Variants in MMP10 observed in about 807,000 individuals in gnomAD.
MMP10 encodes matrix metallopeptidase 10.
In MMP10, 50 loss-of-function variants were observed where a neutral mutation model predicts 49.1. The observed-to-expected ratio is 1.02, with a 90% CI of 0.81 to 1.29. The LOEUF (loss-of-function observed/expected upper bound fraction) is 1.29, where lower values mean the gene tolerates loss of function less well. Ranked by LOEUF, MMP10 falls within the 50% of genes most tolerant of loss-of-function variation. The pLI, the probability that MMP10 is intolerant of heterozygous loss-of-function variation, is 0.00. For synonymous variants in MMP10, 229 were observed against 201.6 expected (o/e 1.14, Z -1.15); for missense variants, 613 against 563.8 (o/e 1.09, Z -0.88).
chr11:102,776,718 G>A lies in MMP10; in HGVS notation c.681C>T (p.His227=), dbSNP rs781331161. 86 of 1,614,068 alleles carry A rather than the reference G, an allele frequency of 5.3e-5. No individual in the cohort carries two copies. The South Asian group carries it at 9.3e-4, about 18-fold the overall frequency. The stretch of plus-strand genomic sequence containing the variant: ...ACATCAAAGCTTCAGTGTTGGCTGA[G>A]TGAAAGAGCCCCAGGGAGTGGCCAA... ...HELGHSLGLF[H]SANTEALMYP... Residue 227 remains histidine, a synonymous_variant, in exon 5 of 10, where the codon CAC becomes CAT. Coordinates refer to ENST00000279441, the MANE Select transcript of MMP10 (RefSeq NM_002425.3).
intron 1 of MMP10, 131 bp downstream of exon 1, chr11:102,780,356 G>A: frequency 1.4e-6 from 1 of 714,122 alleles, no homozygotes; most frequent in Non-Finnish European, 2.4e-6. Flanking sequence ...CCTCCAGCCT[G>A]TTAATTATTC....
intron 4 of MMP10, 126 bp from the exon 5 acceptor site, chr11:102,776,902 G>T: frequency 9.0e-7 from 1 of 1,115,100 alleles, no homozygotes; most frequent in Non-Finnish European, 1.3e-6. Context: ...TTGTGGATTG[G>T]TTCATTGATT....
At position 102,775,301 on chromosome 11, in the gene MMP10, T is replaced by C; in HGVS notation, c.953A>G (p.His318Arg). 3.1e-6 allele frequency: 5 copies of C among 1,609,278 alleles called. No homozygotes were observed. The highest frequency in any genetic ancestry group is 4.2e-6 in the Non-Finnish European group (5 of 1,177,744). Residue 318 changes from histidine (H) to arginine (R), a missense_variant, in exon 7 of 10, where the codon CAC (histidine) becomes CGC (arginine). Transcript: ENST00000279441. ...FKDRYFWRRS[H>R]WNPEPEFHLI... ...ATGAAATTCAGGTTCAGGGTTCCAG[T>C]GGGATCTTCGCCAAAAATATCTGTA...
chr11:102,773,858 T>G (rs1404844764), intron 7 of MMP10, among the ~76,000 whole-genome samples: 1 of 152,208 alleles, frequency 6.6e-6, no homozygotes, highest in Non-Finnish European at 1.5e-5. Context: ...TGCCAAAGGC[T>G]TCATCTCTGC....
intron 7 of MMP10, among the ~76,000 whole-genome samples, chr11:102,773,861 A>G (rs560503846): frequency 7.2e-4 from 110 of 152,304 alleles, no homozygotes; most frequent in African/African-American, 2.4e-3. Flanking sequence ...CAAAGGCTTC[A>G]TCTCTGCTGC....
chr11:102,776,622 C>A lies in MMP10; in HGVS notation c.777G>T (p.Gln259His), dbSNP rs780242353. The part of the protein sequence containing the change: ...RLSQDDVNGI[Q>H]SLYGPPPAST... ...TCCAGCATCACTCACCGTAGAGAGA[C>A]TGAATGCCATTCACATCATCTTGCG... The change falls in exon 5 of 10, where the codon CAG becomes CAT. Residue 259 changes from glutamine to histidine, a missense_variant. Coordinates refer to ENST00000279441, the MANE Select transcript of MMP10 (RefSeq NM_002425.3). 1.9e-6 allele frequency: 3 copies of A among 1,612,966 alleles called. No individual in the cohort carries two copies. Among genetic ancestry groups the A allele is most frequent in the African/African-American group, 2.7e-5 (2 of 74,816 alleles).
chr11:102,774,741 G>A (rs1243277936), intron 7 of MMP10, among the ~76,000 whole-genome samples: 1 of 152,102 alleles, frequency 6.6e-6, no homozygotes, highest in Non-Finnish European at 1.5e-5. Context: ...ATCTCCATTA[G>A]TTAATTTATC....
chr11:102,771,937 G>A (rs937728810), intron 9 of MMP10, 75 bp downstream of exon 9: 10 of 934,230 alleles, frequency 1.1e-5, no homozygotes, highest in Non-Finnish European at 1.7e-5. Context: ...AAACTGTTTT[G>A]ATTCTGCACT....
rs1369420863 is a variant in MMP10 at position 102,772,908 on chromosome 11, C to T, written c.1165G>A (p.Ala389Thr). 6.2e-7 allele frequency: 1 copy of T among 1,613,788 alleles called. No homozygotes were observed. The highest frequency in any genetic ancestry group is 1.7e-5 in the Admixed American group (1 of 60,008). ...GFPPTIRKID[A>T]AVSDKEKKKT... ...TTCTTTTCCTTGTCAGAAACAGCTGCATCAATTTTCCTTATGGTTGGAGGA... is the reference window on the plus strand; with the variant it reads ...TTCTTTTCCTTGTCAGAAACAGCTGTATCAATTTTCCTTATGGTTGGAGGA... Residue 389 changes from alanine to threonine, a missense_variant, in exon 8 of 10, where the codon GCA (alanine) becomes ACA (threonine). Transcript: ENST00000279441. The surrounding 1 kb of genome is among the most constrained non-coding windows in gnomAD (Gnocchi z 4.4).
chr11:102,777,547 T>A (rs1183577566), intron 4 of MMP10, among the ~76,000 whole-genome samples: 2 of 152,144 alleles, frequency 1.3e-5, no homozygotes. Flanking sequence ...TAGCCACTGG[T>A]GCCTGGCCAT....
Position 102,772,832 on chromosome 11 carries a change from T to G in MMP10, c.1226+15A>C, listed in dbSNP as rs1861987608. The G allele has an allele frequency of 6.2e-7, 1 of 1,600,630 alleles. No individual in the cohort carries two copies. Among genetic ancestry groups the G allele is most frequent in the South Asian group, 1.1e-5 (1 of 88,026 alleles). On this transcript the variant is annotated intron_variant, in intron 8 of 9. Transcript: ENST00000279441. This position sits in a 1 kb window ranked among gnomAD's most constrained non-coding sequence, Gnocchi z 4.4. ...TAATCAGGCTTCATAGAAAGTCATT[T>G]CTCTTGCATCTCACCTCCAGTATTT...
At position 102,780,462 on chromosome 11, in the gene MMP10, T is replaced by A. The variant is rs747751956; in HGVS notation, c.105+25A>T. 1.9e-6 allele frequency: 3 copies of A among 1,601,404 alleles called. No homozygotes were observed. In the South Asian group the frequency reaches 3.3e-5, roughly 18 times the overall value. On this transcript the variant is annotated intron_variant, in intron 1 of 9. Transcript: ENST00000279441. Reference sequence around the variant, plus strand: ...AGACACAATTGAGCTGGCCAGTAGCTGCAATAGATGCCACCGTTAATTACC... The same window carrying A: ...AGACACAATTGAGCTGGCCAGTAGCAGCAATAGATGCCACCGTTAATTACC...
intron 9 of MMP10, among the ~76,000 whole-genome samples, chr11:102,771,323 A>C (rs1252237812): frequency 1.3e-5 from 2 of 152,172 alleles, no homozygotes; most frequent in African/African-American, 4.8e-5. Context: ...ACTAGACCCA[A>C]GAGAATCAGA....
At position 102,775,319 on chromosome 11, in the gene MMP10, T is replaced by G; in HGVS notation, c.935A>C (p.Tyr312Ser). The G allele has an allele frequency of 6.2e-7, 1 of 1,602,902 alleles. No individual in the cohort carries two copies. The highest frequency in any genetic ancestry group is 2.2e-5 in the East Asian group (1 of 44,752). ...RGEYLFFKDR[Y>S]FWRRSHWNPE... is the part of the protein sequence containing the mutation. ...GTTCCAGTGGGATCTTCGCCAAAAA[T>G]ATCTGTAATACATAAAATTACTTGC... Residue 312 changes from tyrosine (Y) to serine (S), a missense_variant and splice_region_variant, in exon 7 of 10, where the codon TAT (tyrosine) becomes TCT (serine). Transcript: ENST00000279441.
At chr11:102,771,517 C>T (rs1438565081) in intron 9 of MMP10, among the ~76,000 whole-genome samples, 1 of 152,156 alleles carries the variant, frequency 6.6e-6, no homozygotes, top group African/African-American at 2.4e-5. Context: ...CCAGGAATCA[C>T]ATTTGACCTA....
Position 102,772,257 on chromosome 11 carries a change from G to A in MMP10, c.1227-142C>T, listed in dbSNP as rs1591702483. 1.8e-6 allele frequency: 1 copy of A among 570,170 alleles called. No homozygotes were observed. The highest frequency in any genetic ancestry group is 3.4e-5 in the Admixed American group (1 of 29,020). 35.3% of individuals were successfully genotyped at this position (570,170 alleles called of 1,614,324 possible). ...TAAAAAAGTGTTAAACATTTTTAGAGCTACAAGAATAGGTTACTTTCCTGG... is the reference window on the plus strand; with the variant it reads ...TAAAAAAGTGTTAAACATTTTTAGAACTACAAGAATAGGTTACTTTCCTGG... On this transcript the variant is annotated intron_variant, in intron 8 of 9. Coordinates refer to ENST00000279441, the MANE Select transcript of MMP10 (RefSeq NM_002425.3). The surrounding 1 kb of genome is among the most constrained non-coding windows in gnomAD (Gnocchi z 4.4).
chr11:102,776,697 C>T lies in MMP10; in HGVS notation c.702G>A (p.Leu234=). Residue 234 remains leucine, a synonymous_variant, in exon 5 of 10, where the codon TTG becomes TTA. Transcript: ENST00000279441. ...TGAATGAGTTGTAGAGTGGGTACATCAAAGCTTCAGTGTTGGCTGAGTGAA... is the reference window on the plus strand; with the variant it reads ...TGAATGAGTTGTAGAGTGGGTACATTAAAGCTTCAGTGTTGGCTGAGTGAA... ...GLFHSANTEA[L]MYPLYNSFTE... 1 of 1,613,968 alleles carries T rather than the reference C, an allele frequency of 6.2e-7. No homozygotes were observed. The highest frequency in any genetic ancestry group is 8.5e-7 in the Non-Finnish European group (1 of 1,179,936).
At chr11:102,776,488 G>T (rs1857739414) in intron 5 of MMP10, 64 bp from the exon 6 acceptor site, 2 of 1,591,622 alleles carry the variant, frequency 1.3e-6, no homozygotes, top group East Asian at 4.5e-5. Context: ...GTCAATTTGT[G>T]TGCCTTTCAA....
chr11:102,776,718 G>C lies in MMP10; in HGVS notation c.681C>G (p.His227Gln). The change falls in exon 5 of 10, where the codon CAC (histidine) becomes CAG (glutamine). Residue 227 changes from histidine (H) to glutamine (Q), a missense_variant. His to Gln is a conservative substitution (Grantham distance 24, BLOSUM62 0). Coordinates refer to ENST00000279441, the MANE Select transcript of MMP10 (RefSeq NM_002425.3). ...HELGHSLGLF[H>Q]SANTEALMYP... ...ACATCAAAGCTTCAGTGTTGGCTGAGTGAAAGAGCCCCAGGGAGTGGCCAA... is the reference window on the plus strand; with the variant it reads ...ACATCAAAGCTTCAGTGTTGGCTGACTGAAAGAGCCCCAGGGAGTGGCCAA... 6.2e-7 allele frequency: 1 copy of C among 1,614,068 alleles called. No individual in the cohort carries two copies. Among genetic ancestry groups the C allele is most frequent in the Admixed American group, 1.7e-5 (1 of 59,992 alleles).
Sources: allele counts gnomAD v4.1 joint callset (sites outside exome capture counted in the v4.1 genomes callset), GRCh38; gene constraint gnomAD v4.1.1; non-coding constraint Gnocchi (gnomAD v3.1); transcripts MANE v1.5; gene names NCBI Gene and HGNC (gene_info 2026-07-23, HGNC 2026-07-21).